The following BBS9 variants were observed in gnomAD, a reference collection of about 807,000 sequenced individuals.
The protein encoded by BBS9 is Bardet-Biedl syndrome 9, also known as protein PTHB1.
In BBS9, 89 loss-of-function variants were observed where a neutral mutation model predicts 117.7. The observed-to-expected ratio is 0.76, with a 90% CI of 0.64 to 0.90. The LOEUF is 0.90. Ranked by LOEUF, BBS9 falls within the 40% of genes least tolerant of loss-of-function variation. The pLI is 0.00. For synonymous variants in BBS9, 379 were observed against 370.9 expected (o/e 1.02, Z -0.25); for missense variants, 982 against 1,042.2 (o/e 0.94, Z 0.80).
chr7:33,336,480 T>G lies in BBS9; in HGVS notation c.1056T>G (p.Gly352=). ...KGVIVTLSDD[G]HLQCSYLGTD... is the part of the protein sequence containing the mutation. ...TGATAGTCACTCTGAGTGATGATGG[T>G]CACTTGCAGTGTTCATACCTGGGGA... Residue 352 remains glycine, a synonymous_variant, in exon 10 of 23, where the codon GGT becomes GGG. Coordinates refer to ENST00000242067, the MANE Select transcript of BBS9 (RefSeq NM_198428.3). The G allele has an allele frequency of 6.2e-7, 1 of 1,613,924 alleles. No individual in the cohort carries two copies. The highest frequency in any genetic ancestry group is 8.5e-7 in the Non-Finnish European group (1 of 1,179,872).
chr7:33,490,839 G>C (rs1391016178), intron 19 of BBS9, among the ~76,000 whole-genome samples: 2 of 152,204 alleles, frequency 1.3e-5, no homozygotes, highest in African/African-American at 2.4e-5. Context: ...TAACAACTTT[G>C]TGGAAGTTAA....
At chr7:33,172,113 G>A (rs1186631253) in intron 4 of BBS9, among the ~76,000 whole-genome samples, 1 of 152,140 alleles carries the variant, frequency 6.6e-6, no homozygotes, top group African/African-American at 2.4e-5. Flanking sequence ...GGGTGTGGTG[G>A]CTCACACCTG....
rs12668060 is a variant in BBS9, at chr7:33,384,755, T to C, written c.1962+917T>C. Among the ~76,000 whole-genome samples the C allele has an allele frequency of 0.022, 3,354 of 151,738 alleles. 205 individuals are homozygous for C. The East Asian group carries it at 0.26, about 12-fold the overall frequency. ...GAGAGAGAGAGAATTACCAGTCATATAATTTTTCAGCCAACCATTGAACAT... is the reference window on the plus strand; with the variant it reads ...GAGAGAGAGAGAATTACCAGTCATACAATTTTTCAGCCAACCATTGAACAT... On this transcript the variant is annotated intron_variant, in intron 18 of 22. Coordinates refer to ENST00000242067, the MANE Select transcript of BBS9 (RefSeq NM_198428.3).
At chr7:33,526,293 C>G (rs1016500952) in intron 20 of BBS9, among the ~76,000 whole-genome samples, 1 of 152,094 alleles carries the variant, frequency 6.6e-6, no homozygotes, top group Non-Finnish European at 1.5e-5. Context: ...TGAACATTGG[C>G]CTGCCTTGCT....
At chr7:33,625,934 A>G (rs1476561878) in intron 21 of BBS9, among the ~76,000 whole-genome samples, 1 of 152,218 alleles carries the variant, frequency 6.6e-6, no homozygotes, top group Admixed American at 6.5e-5. Flanking sequence ...AGAAATTACT[A>G]GGATGGTGGG....
At chr7:33,622,529 A>C (rs1396704120) in intron 21 of BBS9, among the ~76,000 whole-genome samples, 2 of 152,252 alleles carry the variant, frequency 1.3e-5, no homozygotes, top group Non-Finnish European at 2.9e-5. Flanking sequence ...ATACACATTC[A>C]ATATCAAAGC....
intron 19 of BBS9, among the ~76,000 whole-genome samples, chr7:33,495,937 A>G (rs1844642666): frequency 6.6e-6 from 1 of 152,088 alleles, no homozygotes; most frequent in African/African-American, 2.4e-5. Context: ...TCTCAGAAAT[A>G]ATTTGTTTTT....
intron 20 of BBS9, chr7:33,533,629 A>C (rs1585157688): frequency 2.8e-6 from 1 of 356,532 alleles, no homozygotes; most frequent in Non-Finnish European, 5.3e-6. Flanking sequence ...TGTGCCTGAT[A>C]CTCTTTTTGT....
intron 21 of BBS9, among the ~76,000 whole-genome samples, chr7:33,573,830 G>A (rs1034153660): frequency 2.0e-5 from 3 of 152,054 alleles, no homozygotes; most frequent in Non-Finnish European, 4.4e-5. Context: ...AGAGAGTAGG[G>A]TATGAGAACA....
chr7:33,265,577 G>T (rs142338843), intron 7 of BBS9, among the ~76,000 whole-genome samples: 2,774 of 152,186 alleles, frequency 0.018, 100 homozygotes, highest in African/African-American at 0.064. Flanking sequence ...GGGCGCGGTG[G>T]CTCATGCCTG....
intron 9 of BBS9, 137 bp from the exon 10 acceptor site, chr7:33,336,304 G>T: frequency 3.0e-6 from 2 of 663,910 alleles, no homozygotes; most frequent in South Asian, 3.7e-5. Flanking sequence ...TTGAGTCTTT[G>T]AAGTAAAACT....
At chr7:33,197,973 A>G (rs1452827666) in intron 5 of BBS9, among the ~76,000 whole-genome samples, 1 of 152,014 alleles carries the variant, frequency 6.6e-6, no homozygotes, top group East Asian at 1.9e-4. Context: ...CATATTGTAC[A>G]TAATTTCAGT....
At chr7:33,544,928 G>T (rs992833349) in intron 21 of BBS9, among the ~76,000 whole-genome samples, 1 of 152,074 alleles carries the variant, frequency 6.6e-6, no homozygotes, top group Non-Finnish European at 1.5e-5. Context: ...TACCTAGGAG[G>T]TTTATGGCTG....
At chr7:33,198,616 A>G (rs1785313930) in intron 5 of BBS9, among the ~76,000 whole-genome samples, 1 of 152,020 alleles carries the variant, frequency 6.6e-6, no homozygotes, top group Non-Finnish European at 1.5e-5. Context: ...TGCTTTCATT[A>G]TATATCTAGC....
In BBS9 at chr7:33,375,698, C is replaced by A. The variant is rs189483059; in HGVS notation, c.1789+7836C>A. 3.7e-3 allele frequency among the ~76,000 whole-genome samples: 560 copies of A among 150,126 alleles called. 6 individuals carry two copies. Among genetic ancestry groups the A allele is most frequent in the Non-Finnish European group, 5.4e-3 (363 of 67,758 alleles). On this transcript the variant is annotated intron_variant, in intron 17 of 22. Transcript: ENST00000242067. ...CCTCTGCCTCCCAGTTCAACTGATT[C>A]TCTTGCCTCAGCCTCCTGAGTAGCT...
At chr7:33,529,747 T>A (rs1230763405) in intron 20 of BBS9, among the ~76,000 whole-genome samples, 1 of 152,144 alleles carries the variant, frequency 6.6e-6, no homozygotes, top group Non-Finnish European at 1.5e-5. Context: ...CATTTCTCAC[T>A]GAAGAGCACA....
chr7:33,367,079 CT>C (rs1455406873), intron 16 of BBS9, among the ~76,000 whole-genome samples: 1 of 152,102 alleles, frequency 6.6e-6, no homozygotes, highest in Non-Finnish European at 1.5e-5. Flanking sequence ...TATTTTGTTT[CT>C]TTCACACTTT....
chr7:33,377,689 G>T (rs1277623799), intron 17 of BBS9, among the ~76,000 whole-genome samples: 1 of 151,980 alleles, frequency 6.6e-6, no homozygotes, highest in Non-Finnish European at 1.5e-5. Flanking sequence ...TGTCATCTCT[G>T]ATTTATCTGA....
chr7:33,303,532 C>CG (rs1554406663), intron 9 of BBS9, among the ~76,000 whole-genome samples: 1 of 129,972 alleles, frequency 7.7e-6, no homozygotes, highest in African/African-American at 3.0e-5. Flanking sequence ...TCCCCCCGCC[C>CG]CTTCTTTCTT....
Sources: allele counts gnomAD v4.1 joint callset (sites outside exome capture counted in the v4.1 genomes callset), GRCh38; gene constraint gnomAD v4.1.1; transcripts MANE v1.5; gene names NCBI Gene and HGNC (gene_info 2026-07-23, HGNC 2026-07-21).